TAFA1: variants seen among roughly 807,000 people sequenced by gnomAD.
TAFA1 encodes chemokine-like protein TAFA-1.
In TAFA1, 4 loss-of-function variants were observed where a neutral mutation model predicts 18.5. That is an observed-to-expected ratio of 0.22 (90% confidence interval 0.11 to 0.49). The LOEUF is 0.49. TAFA1 is among the 20% of genes least tolerant of loss of function. TAFA1 has a pLI of 0.98. For missense variants in TAFA1, 147 were observed against 169.0 expected (o/e 0.87, Z 0.72); for synonymous variants, 56 against 55.2 (o/e 1.01, Z -0.06).
intron 2 of TAFA1, among the ~76,000 whole-genome samples, chr3:68,103,924 G>A (rs1355812572): frequency 6.6e-6 from 1 of 152,054 alleles, no homozygotes; most frequent in Admixed American, 6.6e-5. Context: ...TATGAAGGTA[G>A]CATCAGGATT....
At chr3:68,132,605 T>C (rs1026403436) in intron 2 of TAFA1, among the ~76,000 whole-genome samples, 3 of 152,238 alleles carry the variant, frequency 2.0e-5, no homozygotes, top group Admixed American at 6.5e-5. Flanking sequence ...GTGGTTTTGA[T>C]TTACATTTCT....
At chr3:68,354,879 G>A (rs1031230356) in intron 2 of TAFA1, among the ~76,000 whole-genome samples, 2 of 151,964 alleles carry the variant, frequency 1.3e-5, no homozygotes, top group Admixed American at 6.6e-5. Context: ...ATTCAAGAGG[G>A]CAGAGCCTTT....
intron 2 of TAFA1, among the ~76,000 whole-genome samples, chr3:68,056,258 G>C (rs2064535932): frequency 6.6e-6 from 1 of 152,114 alleles, no homozygotes; most frequent in African/African-American, 2.4e-5. Context: ...ACCAATTCTA[G>C]AGATCTGTTT....
intron 2 of TAFA1, among the ~76,000 whole-genome samples, chr3:68,388,710 G>C (rs1479608671): frequency 1.3e-5 from 2 of 152,046 alleles, no homozygotes; most frequent in Non-Finnish European, 2.9e-5. Flanking sequence ...CAACTCTACT[G>C]AAATGAATCA....
chr3:68,467,687 C>T (rs1029096706), intron 3 of TAFA1, among the ~76,000 whole-genome samples: 10 of 152,094 alleles, frequency 6.6e-5, no homozygotes, highest in Non-Finnish European at 1.0e-4. Flanking sequence ...CAGGATTTTT[C>T]CTGAAGGCAG....
At position 68,081,532 on chromosome 3, in the gene TAFA1, G is replaced by T. The variant is rs542486163; in HGVS notation, c.118+74788G>T. The stretch of plus-strand genomic sequence containing the variant: ...CTGTTTGTTAGTTTTCCTTCTAACA[G>T]ACAGGACCCTCAGCTGCAGGTCTGT... On this transcript the variant is annotated intron_variant, in intron 2 of 4. Transcript: ENST00000478136. 5.0e-3 allele frequency among the ~76,000 whole-genome samples: 755 copies of T among 152,170 alleles called. 4 individuals are homozygous for T. Among genetic ancestry groups the T allele is most frequent in the Non-Finnish European group, 4.4e-3 (297 of 68,000 alleles).
At position 68,463,336 on chromosome 3, in the gene TAFA1, G is replaced by A. The variant is rs76173591; in HGVS notation, c.259+45916G>A. 8.5e-3 allele frequency among the ~76,000 whole-genome samples: 1,287 copies of A among 152,250 alleles called. 19 individuals carry two copies. The highest frequency in any genetic ancestry group is 0.03 in the African/African-American group (1,237 of 41,546). ...GCGAGCATCTATTTCCTGGAGCATA[G>A]TGGAAAAACCACTGTTTCATTTCAG... On this transcript the variant is annotated intron_variant, in intron 3 of 4. Transcript: ENST00000478136.
intron 2 of TAFA1, among the ~76,000 whole-genome samples, chr3:68,299,510 C>T (rs1192150945): frequency 6.6e-6 from 1 of 152,206 alleles, no homozygotes; most frequent in Non-Finnish European, 1.5e-5. Context: ...GGAAAATTTG[C>T]AACCTGACAA....
chr3:68,197,511 C>T (rs753099416), intron 2 of TAFA1, among the ~76,000 whole-genome samples: 4 of 151,384 alleles, frequency 2.6e-5, no homozygotes, highest in Non-Finnish European at 5.9e-5. Flanking sequence ...TTCAGGACCA[C>T]GGTGGCTTTA....
At chr3:68,487,779 T>G (rs1027275001) in intron 3 of TAFA1, among the ~76,000 whole-genome samples, 18 of 127,042 alleles carry the variant, frequency 1.4e-4, no homozygotes, top group African/African-American at 2.4e-4. Flanking sequence ...ATTCTGTGAG[T>G]GGTGAGTGTT....
At chr3:68,529,248 C>T (rs2073152094) in intron 3 of TAFA1, among the ~76,000 whole-genome samples, 1 of 151,690 alleles carries the variant, frequency 6.6e-6, no homozygotes, top group South Asian at 2.1e-4. Context: ...TCCACCCTGC[C>T]CTTCTTCACA....
chr3:68,062,429 G>A (rs916052171), intron 2 of TAFA1, among the ~76,000 whole-genome samples: 3 of 152,110 alleles, frequency 2.0e-5, no homozygotes, highest in Non-Finnish European at 2.9e-5. Flanking sequence ...AAAATAATGC[G>A]CAGGTCCTGA....
At chr3:68,326,474 A>T (rs1482546212) in intron 2 of TAFA1, among the ~76,000 whole-genome samples, 1 of 152,170 alleles carries the variant, frequency 6.6e-6, no homozygotes, top group East Asian at 1.9e-4. Context: ...TTAAGATATC[A>T]TATGTTCACA....
chr3:68,423,992 G>A (rs1407841546), intron 3 of TAFA1, among the ~76,000 whole-genome samples: 1 of 151,942 alleles, frequency 6.6e-6, no homozygotes, highest in Non-Finnish European at 1.5e-5. Context: ...ACCAGCAAGA[G>A]AAAGTGTTAA....
intron 2 of TAFA1, among the ~76,000 whole-genome samples, chr3:68,140,011 G>GT (rs1254024720): frequency 6.6e-6 from 1 of 152,146 alleles, no homozygotes; most frequent in East Asian, 1.9e-4. Context: ...CTCTAAATAT[G>GT]TCAATAAATA....
At chr3:68,345,879 A>C (rs2069156478) in intron 2 of TAFA1, among the ~76,000 whole-genome samples, 1 of 152,170 alleles carries the variant, frequency 6.6e-6, no homozygotes, top group Non-Finnish European at 1.5e-5. Flanking sequence ...TGAGATGCAC[A>C]TTCTCTTTTT....
chr3:68,110,141 C>G (rs1425621078), intron 2 of TAFA1, among the ~76,000 whole-genome samples: 2 of 152,098 alleles, frequency 1.3e-5, no homozygotes, highest in South Asian at 2.1e-4. Flanking sequence ...CTCCTCCCTC[C>G]AACAGGCTCC....
intron 2 of TAFA1, among the ~76,000 whole-genome samples, chr3:68,214,501 G>A (rs1327481643): frequency 1.3e-5 from 2 of 152,000 alleles, no homozygotes; most frequent in Non-Finnish European, 2.9e-5. Flanking sequence ...CTATTGGTTG[G>A]AGGAGCATAG....
intron 2 of TAFA1, among the ~76,000 whole-genome samples, chr3:68,292,666 T>C (rs2068131087): frequency 1.3e-5 from 2 of 152,114 alleles, no homozygotes; most frequent in South Asian, 4.1e-4. Context: ...AGGTGGGACT[T>C]CAGGTGCTAT....
Sources: allele counts gnomAD v4.1 joint callset (sites outside exome capture counted in the v4.1 genomes callset), GRCh38; gene constraint gnomAD v4.1.1; transcripts MANE v1.5; gene names NCBI Gene and HGNC (gene_info 2026-07-23, HGNC 2026-07-21).